Variants in MYO3B observed in about 807,000 individuals in gnomAD.
MYO3B encodes myosin-IIIb.
A neutral mutation model predicts 174.6 loss-of-function variants in MYO3B; 156 were observed. The observed-to-expected ratio is 0.89, with a 90% CI of 0.78 to 1.02. The LOEUF (loss-of-function observed/expected upper bound fraction) is 1.02, where lower values mean the gene tolerates loss of function less well. MYO3B is among the 50% of genes least tolerant of loss of function. The pLI is 0.00. For synonymous variants in MYO3B, 563 were observed against 569.1 expected (o/e 0.99, Z 0.15); for missense variants, 1,632 against 1,639.4 (o/e 1.00, Z 0.08).
chr2:170,589,405 G>A (rs1693686098), intron 32 of MYO3B, among the ~76,000 whole-genome samples: 1 of 152,146 alleles, frequency 6.6e-6, no homozygotes, highest in Non-Finnish European at 1.5e-5. Flanking sequence ...GTTGTCATAG[G>A]AGATGACAGA....
At chr2:170,337,216 T>G (rs2093952062) in intron 8 of MYO3B, among the ~76,000 whole-genome samples, 2 of 152,028 alleles carry the variant, frequency 1.3e-5, no homozygotes, top group African/African-American at 2.4e-5. Flanking sequence ...GCTGAAGACA[T>G]GCTGGTAGCT....
intron 7 of MYO3B, among the ~76,000 whole-genome samples, chr2:170,249,084 A>G (rs527455945): frequency 9.9e-5 from 15 of 152,148 alleles, no homozygotes; most frequent in Non-Finnish European, 2.2e-4. Context: ...TTTGCAGGCT[A>G]TTCATTCTGG....
At chr2:170,225,720 C>T (rs1443485248) in intron 6 of MYO3B, among the ~76,000 whole-genome samples, 1 of 152,022 alleles carries the variant, frequency 6.6e-6, no homozygotes. Context: ...TACCTGCTAC[C>T]CATATAACCA....
chr2:170,498,751 T>A, intron 26 of MYO3B, 48 bp downstream of exon 26: 1 of 1,271,986 alleles, frequency 7.9e-7, no homozygotes, highest in Middle Eastern at 1.8e-4. Context: ...TTTCTTTGTC[T>A]CTTGTCAGTG....
At chr2:170,358,827 AATT>A (rs2094141318) in intron 8 of MYO3B, among the ~76,000 whole-genome samples, 1 of 152,126 alleles carries the variant, frequency 6.6e-6, no homozygotes, top group Admixed American at 6.5e-5. Context: ...TTAATTTATA[AATT>A]TGAGCTACTA....
rs148625204 is a variant in MYO3B at position 170,388,596 on chromosome 2, C to G, written c.1577+1288C>G. Among the ~76,000 whole-genome samples the G allele has an allele frequency of 1.4e-3, 213 of 152,222 alleles. 2 individuals are homozygous for G. The highest frequency in any genetic ancestry group is 4.8e-3 in the African/African-American group (201 of 41,534). Reference sequence around the variant, plus strand: ...TTTCAAGCAGGGGAGTCACCATACCCAACTTTCATTTTGAGATGATCACGC... The same window carrying G: ...TTTCAAGCAGGGGAGTCACCATACCGAACTTTCATTTTGAGATGATCACGC... On this transcript the variant is annotated intron_variant, in intron 14 of 34. Transcript: ENST00000408978.
chr2:170,232,299 A>T (rs1160952541), intron 6 of MYO3B, among the ~76,000 whole-genome samples: 1 of 152,186 alleles, frequency 6.6e-6, no homozygotes, highest in African/African-American at 2.4e-5. Flanking sequence ...TTGGTATTGG[A>T]TTGATAGGGA....
intron 7 of MYO3B, among the ~76,000 whole-genome samples, chr2:170,279,283 T>G (rs2093487543): frequency 6.6e-6 from 1 of 152,136 alleles, no homozygotes. Flanking sequence ...TCTGCGTCCT[T>G]GCCAGCACAT....
chr2:170,270,997 A>T (rs998494736), intron 7 of MYO3B, among the ~76,000 whole-genome samples: 7 of 152,196 alleles, frequency 4.6e-5, no homozygotes, highest in African/African-American at 1.7e-4. Context: ...ATCCACATTT[A>T]TTATCTAAGT....
At chr2:170,314,539 G>A (rs1354608883) in intron 7 of MYO3B, among the ~76,000 whole-genome samples, 2 of 152,098 alleles carry the variant, frequency 1.3e-5, no homozygotes, top group African/African-American at 2.4e-5. Flanking sequence ...AATTGTTGTG[G>A]ACAGAAAACA....
At position 170,343,030 on chromosome 2, in the gene MYO3B, AACACACACAC is replaced by A. The variant is rs56221872; in HGVS notation, c.815+7619_815+7628del. Among the ~76,000 whole-genome samples the A allele has an allele frequency of 8.7e-3, 1,189 of 135,942 alleles. 9 individuals are homozygous for A. The highest frequency in any genetic ancestry group is 0.015 in the South Asian group (58 of 3,926). 89.2% of individuals were successfully genotyped at this position (135,942 alleles called of 152,430 possible). On this transcript the variant is annotated intron_variant, in intron 8 of 34. Transcript: ENST00000408978. ...ACTTACTTCCACAGTTCGGGCCTCT[AACACACACAC>A]ACACACACACACACACACACACACA...
At chr2:170,635,283 T>C (rs891746460) in intron 32 of MYO3B, among the ~76,000 whole-genome samples, 2 of 152,128 alleles carry the variant, frequency 1.3e-5, no homozygotes, top group Admixed American at 1.3e-4. Flanking sequence ...TATGCAGCCA[T>C]AAAAAATGAT....
chr2:170,568,376 T>G (rs1420488771), intron 32 of MYO3B, among the ~76,000 whole-genome samples: 1 of 152,262 alleles, frequency 6.6e-6, no homozygotes, highest in Non-Finnish European at 1.5e-5. Flanking sequence ...CTGCTTCTTC[T>G]GCCTGACTGC....
chr2:170,521,427 TTG>T (rs1688661632), intron 30 of MYO3B, among the ~76,000 whole-genome samples: 1 of 152,190 alleles, frequency 6.6e-6, no homozygotes, highest in Non-Finnish European at 1.5e-5. Flanking sequence ...GTGAACCAGT[TTG>T]GAAAACAACT....
chr2:170,209,802 A>G (rs1237303144), intron 3 of MYO3B, among the ~76,000 whole-genome samples: 2 of 152,216 alleles, frequency 1.3e-5, no homozygotes, highest in African/African-American at 4.8e-5. Context: ...AGAATTTTAA[A>G]AATCCCATAC....
At chr2:170,541,583 T>C (rs975981848) in intron 30 of MYO3B, among the ~76,000 whole-genome samples, 15 of 152,228 alleles carry the variant, frequency 9.9e-5, no homozygotes, top group African/African-American at 3.6e-4. Flanking sequence ...TTTTTTTAAA[T>C]GAAGTAGTAT....
rs149182033 is a variant in MYO3B, at chr2:170,204,395, G to C, written c.321+4111G>C. ...TCTGCAAACTGACTATGTCAAAGCA[G>C]CAAGCTAGTATAGAAGCTACTTGAA... On this transcript the variant is annotated intron_variant, in intron 3 of 34. Coordinates refer to ENST00000408978, the MANE Select transcript of MYO3B (RefSeq NM_138995.5). Among the ~76,000 whole-genome samples, 921 of 152,332 alleles carry C rather than the reference G, an allele frequency of 6.0e-3. 11 individuals carry two copies. Among genetic ancestry groups the C allele is most frequent in the African/African-American group, 0.02 (834 of 41,574 alleles).
intron 6 of MYO3B, among the ~76,000 whole-genome samples, chr2:170,225,955 T>C (rs1242234105): frequency 3.3e-5 from 5 of 152,266 alleles, no homozygotes; most frequent in South Asian, 2.1e-4. Context: ...AAAGAAGAAA[T>C]TGGCTTAGGT....
intron 32 of MYO3B, among the ~76,000 whole-genome samples, chr2:170,650,854 T>C (rs1041400751): frequency 6.6e-6 from 1 of 151,720 alleles, no homozygotes; most frequent in Non-Finnish European, 1.5e-5. Context: ...CAGCTAATTT[T>C]TGTATTTTTA....
Sources: allele counts gnomAD v4.1 joint callset (sites outside exome capture counted in the v4.1 genomes callset), GRCh38; gene constraint gnomAD v4.1.1; transcripts MANE v1.5; gene names NCBI Gene and HGNC (gene_info 2026-07-23, HGNC 2026-07-21).